The following FHIT variants were observed in gnomAD, a reference collection of about 807,000 sequenced individuals.
The protein encoded by FHIT is bis(5'-adenosyl)-triphosphatase.
Under a neutral mutation model 17.9 loss-of-function variants are expected in FHIT, and 19 were observed. The ratio of observed to expected loss-of-function variants is 1.06; its 90% CI spans 0.74 to 1.56. The LOEUF (loss-of-function observed/expected upper bound fraction) is 1.56. Among genes scored for constraint, FHIT ranks in the 40% most tolerant of loss-of-function variants. The pLI, the probability that FHIT is intolerant of heterozygous loss-of-function variation, is 0.00. For missense variants in FHIT, 248 were observed against 189.2 expected, an observed-to-expected ratio of 1.31 and a Z score of -1.82; for synonymous variants, 81 against 69.7, an observed-to-expected ratio of 1.16 and a Z score of -0.81.
chr3:60,859,545 G>C lies in FHIT; in HGVS notation c.-110-37534C>G, dbSNP rs546801004. Among the ~76,000 whole-genome samples, 21 of 151,668 alleles carry C rather than the reference G, an allele frequency of 1.4e-4. No individual in the cohort carries two copies. In the East Asian group the frequency reaches 4.1e-3, roughly 30 times the overall value. ...CAGAAGTGATGTACACCCTTTCCTG[G>C]ATGGGCCTACAGAAATCCTCTAGAC... On this transcript the variant is annotated intron_variant, in intron 3 of 9. Transcript: ENST00000492590.
chr3:60,621,642 C>A (rs72889656), intron 4 of FHIT, among the ~76,000 whole-genome samples: 2,045 of 151,964 alleles, frequency 0.013, 57 homozygotes, highest in African/African-American at 0.047. Context: ...TATACAAACA[C>A]ACTTTTGGCT....
intron 4 of FHIT, among the ~76,000 whole-genome samples, chr3:60,581,598 A>C (rs1359865495): frequency 6.6e-6 from 1 of 152,172 alleles, no homozygotes; most frequent in East Asian, 1.9e-4. Context: ...TCTATAATGA[A>C]CTAAACACAA....
At chr3:60,608,408 T>C (rs1295360601) in intron 4 of FHIT, among the ~76,000 whole-genome samples, 2 of 152,106 alleles carry the variant, frequency 1.3e-5, no homozygotes, top group African/African-American at 4.8e-5. Flanking sequence ...TCAATTACAG[T>C]TGAAGAGAAA....
At chr3:60,707,193 C>T (rs535060074) in intron 4 of FHIT, among the ~76,000 whole-genome samples, 1 of 152,284 alleles carries the variant, frequency 6.6e-6, no homozygotes, top group Admixed American at 6.5e-5. Context: ...CCCACAGGCA[C>T]TCTGCAAACC....
At chr3:60,229,455 A>G (rs1188512735) in intron 5 of FHIT, among the ~76,000 whole-genome samples, 1 of 151,878 alleles carries the variant, frequency 6.6e-6, no homozygotes, top group Non-Finnish European at 1.5e-5. Flanking sequence ...AAAAGAAAAG[A>G]AAGAAAGAAA....
At chr3:59,919,159 T>C (rs1705283225) in intron 8 of FHIT, among the ~76,000 whole-genome samples, 1 of 152,136 alleles carries the variant, frequency 6.6e-6, no homozygotes, top group African/African-American at 2.4e-5. Flanking sequence ...ATGGGTCAAA[T>C]GTGTAAAGAG....
chr3:60,935,455 G>A (rs9867960), intron 3 of FHIT, among the ~76,000 whole-genome samples: 91,125 of 152,076 alleles, frequency 0.6, 27,601 homozygotes, highest in East Asian at 0.67. Flanking sequence ...TAAATGAGAT[G>A]TTATTATTTT....
At chr3:61,160,068 T>C (rs547559155) in intron 2 of FHIT, among the ~76,000 whole-genome samples, 48 of 152,324 alleles carry the variant, frequency 3.2e-4, no homozygotes, top group African/African-American at 9.6e-4. Flanking sequence ...TTCAACAGTT[T>C]ATTACAATCA....
chr3:60,880,309 G>A (rs542477401), intron 3 of FHIT, among the ~76,000 whole-genome samples: 48 of 152,234 alleles, frequency 3.2e-4, no homozygotes, highest in Non-Finnish European at 5.4e-4. Context: ...GAAATAAAAC[G>A]TTTCTCAGAG....
intron 5 of FHIT, among the ~76,000 whole-genome samples, chr3:60,312,193 T>C (rs1708979835): frequency 6.6e-6 from 1 of 152,166 alleles, no homozygotes; most frequent in Non-Finnish European, 1.5e-5. Flanking sequence ...TGGAGTGCAG[T>C]GGCATGGTCA....
intron 5 of FHIT, among the ~76,000 whole-genome samples, chr3:60,346,167 C>T (rs909716218): frequency 7.2e-5 from 11 of 152,214 alleles, no homozygotes; most frequent in African/African-American, 2.7e-4. Context: ...AGAGAGTCCT[C>T]ACGCAATGTC....
chr3:60,705,049 T>TA lies in FHIT; in HGVS notation c.-18+116869dup, dbSNP rs200547068. On this transcript the variant is annotated intron_variant, in intron 4 of 9. Coordinates refer to ENST00000492590, the MANE Select transcript of FHIT (RefSeq NM_002012.4). ...TACTCTGTTAAGTCCACTGTGGAAT[T>TA]AAAAAAAAAAAAAAAAGTTTAAGGT... 3.4e-3 allele frequency among the ~76,000 whole-genome samples: 447 copies of TA among 132,952 alleles called. 2 individuals are homozygous for TA. The highest frequency in any genetic ancestry group is 0.012 in the Middle Eastern group (3 of 258). 87.2% of individuals were successfully genotyped at this position (132,952 alleles called of 152,430 possible). A position where few individuals can be genotyped will look rare whatever the true frequency, so the allele number is the denominator to read the frequency against.
At chr3:59,847,276 T>A (rs1023038617) in intron 8 of FHIT, among the ~76,000 whole-genome samples, 9 of 151,544 alleles carry the variant, frequency 5.9e-5, no homozygotes, top group Non-Finnish European at 8.8e-5. Flanking sequence ...TTTCTTCAAC[T>A]TTTTTTTTCT....
At chr3:60,129,077 G>A (rs1177897794) in intron 5 of FHIT, among the ~76,000 whole-genome samples, 1 of 80,382 alleles carries the variant, frequency 1.2e-5, no homozygotes, top group Non-Finnish European at 2.3e-5. Flanking sequence ...TTTTGAAACA[G>A]AGTCTTGCTC....
At chr3:60,409,191 TA>T (rs1345949589) in intron 5 of FHIT, among the ~76,000 whole-genome samples, 6 of 152,224 alleles carry the variant, frequency 3.9e-5, no homozygotes, top group Admixed American at 1.3e-4. Flanking sequence ...TGGCCTTGAT[TA>T]AAATTATAAT....
chr3:60,432,456 T>A lies in FHIT; in HGVS notation c.103+104404A>T, dbSNP rs1702950711. ...TCCATATGCGTCATCTATAATATAC[T>A]GATAGTGATAAAAACTGAGTGTATA... On this transcript the variant is annotated intron_variant, in intron 5 of 9. Transcript: ENST00000492590. 5.9e-5 allele frequency among the ~76,000 whole-genome samples: 9 copies of A among 152,204 alleles called. No individual in the cohort carries two copies. The South Asian group carries it at 1.9e-3, about 32-fold the overall frequency.
chr3:60,674,093 T>C (rs1182754946), intron 4 of FHIT, among the ~76,000 whole-genome samples: 3 of 152,148 alleles, frequency 2.0e-5, no homozygotes, highest in African/African-American at 4.8e-5. Context: ...ATATATTTTT[T>C]CTATTTTTTC....
At chr3:60,268,944 C>T (rs1406359785) in intron 5 of FHIT, among the ~76,000 whole-genome samples, 12 of 151,946 alleles carry the variant, frequency 7.9e-5, no homozygotes, top group Admixed American at 7.9e-4. Flanking sequence ...AGTCAACCTG[C>T]CCTTTCTGGC....
At chr3:60,580,170 T>C (rs2734365) in intron 4 of FHIT, among the ~76,000 whole-genome samples, 76,174 of 151,858 alleles carry the variant, frequency 0.5, 19,586 homozygotes, top group East Asian at 0.8. Flanking sequence ...GCAAAACCTA[T>C]AGAAAGAGGC....
Sources: gnomAD v4.1 joint callset for allele counts (sites outside exome capture counted in the v4.1 genomes callset) on GRCh38, gnomAD v4.1.1 for gene constraint, MANE v1.5 for transcripts, NCBI Gene and HGNC (gene_info 2026-07-23, HGNC 2026-07-21) for gene names.